The following CRPPA variants were observed in gnomAD, a reference collection of about 807,000 sequenced individuals.
The protein encoded by CRPPA is CDP-L-ribitol pyrophosphorylase A.
A neutral mutation model predicts 52.0 loss-of-function variants in CRPPA; 43 were observed. The observed-to-expected ratio is 0.83, with a 90% CI of 0.65 to 1.07. The LOEUF (loss-of-function observed/expected upper bound fraction) is 1.07, where lower values mean the gene tolerates loss of function less well. CRPPA is among the 50% of genes least tolerant of loss of function. The pLI, the probability that CRPPA is intolerant of heterozygous loss-of-function variation, is 0.00. For missense variants in CRPPA, 629 were observed against 551.7 expected (o/e 1.14, Z -1.40); for synonymous variants, 250 against 203.5 (o/e 1.23, Z -1.94).
At chr7:16,121,744 G>A (rs1366591865) in intron 9 of CRPPA, among the ~76,000 whole-genome samples, 1 of 152,022 alleles carries the variant, frequency 6.6e-6, no homozygotes, top group African/African-American at 2.4e-5. Context: ...GAACTGTCAT[G>A]CCATAAAATG....
At chr7:16,301,537 C>G in intron 4 of CRPPA, 71 bp from the exon 5 acceptor site, 1 of 1,107,804 alleles carries the variant, frequency 9.0e-7, no homozygotes, top group Non-Finnish European at 1.4e-6. Context: ...AATAATGCCC[C>G]CAAGGAAATT....
intron 3 of CRPPA, among the ~76,000 whole-genome samples, chr7:16,340,193 G>C (rs937885675): frequency 1.3e-5 from 2 of 152,004 alleles, no homozygotes; most frequent in African/African-American, 4.8e-5. Context: ...CCTTAGGTAT[G>C]GCTATAACTT....
At chr7:16,258,879 T>C (rs1783717809) in intron 7 of CRPPA, 41 bp downstream of exon 7, 1 of 1,269,924 alleles carries the variant, frequency 7.9e-7, no homozygotes, top group Non-Finnish European at 1.1e-6. Context: ...TCCACATTTG[T>C]TCATATCCTT....
chr7:16,099,353 G>C (rs1439648533), intron 9 of CRPPA, among the ~76,000 whole-genome samples: 1 of 144,178 alleles, frequency 6.9e-6, no homozygotes, highest in Admixed American at 7.1e-5. Flanking sequence ...AGGAAGGGGA[G>C]GGAAGGGGAG....
chr7:16,105,203 C>T lies in CRPPA; in HGVS notation c.1252-13404G>A, dbSNP rs565522876. ...CAGAGAAAGTTCAACTAGCAACTAT[C>T]CGCAGACTGGAAGAATATCTTTTTT... On this transcript the variant is annotated intron_variant, in intron 9 of 9. Transcript: ENST00000407010. 1.5e-4 allele frequency among the ~76,000 whole-genome samples: 23 copies of T among 152,292 alleles called. No individual in the cohort carries two copies. In the South Asian group the frequency reaches 4.8e-3, roughly 32 times the overall value.
At chr7:16,389,780 C>G (rs1455542862) in intron 2 of CRPPA, among the ~76,000 whole-genome samples, 1 of 150,984 alleles carries the variant, frequency 6.6e-6, no homozygotes, top group Non-Finnish European at 1.5e-5. Context: ...ATGTAATAAG[C>G]TATCCAAAAG....
intron 8 of CRPPA, among the ~76,000 whole-genome samples, chr7:16,239,348 T>C (rs916273609): frequency 6.6e-6 from 1 of 151,850 alleles, no homozygotes; most frequent in Non-Finnish European, 1.5e-5. Context: ...CATTTATACA[T>C]GAAGTAATGC....
intron 3 of CRPPA, among the ~76,000 whole-genome samples, chr7:16,344,785 G>A (rs986898836): frequency 6.6e-6 from 1 of 151,688 alleles, no homozygotes; most frequent in Non-Finnish European, 1.5e-5. Flanking sequence ...TGGCACACCT[G>A]AAGATATGTT....
At chr7:16,400,369 G>A (rs1250523240) in intron 2 of CRPPA, among the ~76,000 whole-genome samples, 2 of 152,166 alleles carry the variant, frequency 1.3e-5, no homozygotes, top group Admixed American at 6.5e-5. Flanking sequence ...TGACCAACAC[G>A]TTTGTGACAC....
At chr7:16,270,258 C>A (rs1278378565) in intron 6 of CRPPA, 2 of 151,884 alleles carry the variant, frequency 1.3e-5, no homozygotes, top group Non-Finnish European at 2.9e-5. Context: ...TGCAAAAGAC[C>A]ATTTTTACAG....
intron 1 of CRPPA, among the ~76,000 whole-genome samples, chr7:16,407,203 C>G (rs1385609392): frequency 6.6e-6 from 1 of 152,126 alleles, no homozygotes; most frequent in Non-Finnish European, 1.5e-5. Context: ...GTCTTCAACT[C>G]CTGACCTCAG....
At chr7:16,200,403 G>C (rs117765091) in intron 9 of CRPPA, among the ~76,000 whole-genome samples, 1,915 of 152,222 alleles carry the variant, frequency 0.013, 16 homozygotes, top group Middle Eastern at 0.02. Context: ...ATTACACAAA[G>C]AGTAGTATTT....
At chr7:16,304,273 G>A (rs964219323) in intron 4 of CRPPA, among the ~76,000 whole-genome samples, 1 of 152,036 alleles carries the variant, frequency 6.6e-6, no homozygotes, top group African/African-American at 2.4e-5. Context: ...CGCCCTGGTG[G>A]GGGTAGTGGG....
Position 16,152,318 on chromosome 7 carries a change from T to A in CRPPA, c.1252-60519A>T, listed in dbSNP as rs141206605. 6.4e-3 allele frequency among the ~76,000 whole-genome samples: 976 copies of A among 152,074 alleles called. 18 individuals carry two copies. Among genetic ancestry groups the A allele is most frequent in the East Asian group, 0.046 (241 of 5,190 alleles). On this transcript the variant is annotated intron_variant, in intron 9 of 9. Transcript: ENST00000407010. ...AGAGTATTATAAAATATACTTTATA[T>A]GAATTTATAAGTTACATAAGATAAA...
chr7:16,226,523 A>G (rs1782655629), intron 8 of CRPPA, among the ~76,000 whole-genome samples: 1 of 151,886 alleles, frequency 6.6e-6, no homozygotes, highest in Non-Finnish European at 1.5e-5. Flanking sequence ...CTACAAGTGC[A>G]CTGTACACTT....
At chr7:16,302,295 CA>C (rs34666735) in intron 4 of CRPPA, among the ~76,000 whole-genome samples, 70 of 53,372 alleles carry the variant, frequency 1.3e-3, no homozygotes, top group South Asian at 3.6e-3. Context: ...GACTCTGTCT[CA>C]AAAAAAAAAA....
At chr7:16,390,241 G>C (rs1232410809) in intron 2 of CRPPA, among the ~76,000 whole-genome samples, 1 of 151,672 alleles carries the variant, frequency 6.6e-6, no homozygotes, top group African/African-American at 2.4e-5. Flanking sequence ...TAATATACAA[G>C]TATGCCATGA....
chr7:16,293,540 A>T (rs564034905), intron 5 of CRPPA, among the ~76,000 whole-genome samples: 9 of 152,098 alleles, frequency 5.9e-5, no homozygotes, highest in African/African-American at 2.2e-4. Flanking sequence ...ACACCTTGCA[A>T]TAGGAAGCTA....
rs540311731 is a variant in CRPPA, at chr7:16,363,953, A to G, written c.684+12139T>C. On this transcript the variant is annotated intron_variant, in intron 3 of 9. Transcript: ENST00000407010. ...ACATGATAGAAAATAACATATTAGA[A>G]CAGATAAAAACTAATCTAAGAAATT... is the stretch of plus-strand genomic sequence containing the variant. Among the ~76,000 whole-genome samples the G allele has an allele frequency of 3.9e-4, 60 of 152,310 alleles. 1 individual carries two copies. Among genetic ancestry groups the G allele is most frequent in the Admixed American group, 3.5e-3 (54 of 15,300 alleles).
Sources: allele counts gnomAD v4.1 joint callset (sites outside exome capture counted in the v4.1 genomes callset), GRCh38; gene constraint gnomAD v4.1.1; transcripts MANE v1.5; gene names NCBI Gene and HGNC (gene_info 2026-07-23, HGNC 2026-07-21).